The following ATP10B variants were observed in gnomAD, a reference collection of about 807,000 sequenced individuals.
The protein encoded by ATP10B is ATPase phospholipid transporting 10B (putative), also known as phospholipid-transporting ATPase VB.
In ATP10B, 122 loss-of-function variants were observed where a neutral mutation model predicts 141.2. That is an observed-to-expected ratio of 0.86 (90% CI 0.75 to 1.00). The LOEUF (loss-of-function observed/expected upper bound fraction) is 1.00, where lower values mean the gene tolerates loss of function less well. Ranked by LOEUF, ATP10B falls within the 50% of genes least tolerant of loss-of-function variation. The pLI, the probability that ATP10B is intolerant of heterozygous loss-of-function variation, is 0.00. For synonymous variants in ATP10B, 685 were observed against 692.0 expected, an observed-to-expected ratio of 0.99 and a Z score of 0.16; for missense variants, 1,876 against 1,825.3, an observed-to-expected ratio of 1.03 and a Z score of -0.51.
intron 10 of ATP10B, 86 bp downstream of exon 10, chr5:160,640,375 G>T: frequency 6.8e-7 from 1 of 1,480,200 alleles, no homozygotes. Context: ...CATTTTATTA[G>T]CCCTACTTTA....
chr5:160,621,193 C>T (rs2127649539), intron 14 of ATP10B, among the ~76,000 whole-genome samples: 1 of 152,316 alleles, frequency 6.6e-6, no homozygotes, highest in East Asian at 1.9e-4. Context: ...TTCACATTTC[C>T]TGAACTCTCA....
chr5:160,774,921 A>G (rs534413412), intron 2 of ATP10B, among the ~76,000 whole-genome samples: 1 of 152,258 alleles, frequency 6.6e-6, no homozygotes, highest in South Asian at 2.1e-4. Flanking sequence ...GAGTGTAACT[A>G]TGAGCCATGA....
chr5:160,634,459 G>A lies in ATP10B; in HGVS notation c.1276C>T (p.Gln426Ter), dbSNP rs766223981. 2.5e-6 allele frequency: 4 copies of A among 1,614,140 alleles called. No homozygotes were observed. The highest frequency in any genetic ancestry group is 1.3e-5 in the African/African-American group (1 of 75,022). Reference protein sequence around the residue: ...RALNIAEDLGQIQYIFSDKTG... With the variant: ...RALNIAEDLG Reference sequence around the variant, plus strand: ...TTATCGGAGAAGATGTACTGGATCTGGCCCAAGTCCTCTGCGATGTTGAGG... The same window carrying A: ...TTATCGGAGAAGATGTACTGGATCTAGCCCAAGTCCTCTGCGATGTTGAGG... Residue 426 changes from glutamine to a stop codon, truncating the protein, a stop_gained, in exon 12 of 26, where the codon CAG (glutamine) becomes TAG (stop). Coordinates refer to ENST00000327245, the MANE Select transcript of ATP10B (RefSeq NM_025153.3). LOFTEE classifies it high-confidence loss of function.
At chr5:160,676,638 A>G (rs1250802841) in intron 6 of ATP10B, among the ~76,000 whole-genome samples, 1 of 152,144 alleles carries the variant, frequency 6.6e-6, no homozygotes, top group Non-Finnish European at 1.5e-5. Context: ...GATTCCTTGT[A>G]TATTTTTCTT....
At position 160,814,253 on chromosome 5, in the gene ATP10B, T is replaced by C. The variant is rs577527999; in HGVS notation, c.-575-28450A>G. ...ACCTTCAAAAAAAAAATTAGATGAA[T>C]GGCTAACTAGAATAACCAATGCAGA... On this transcript the variant is annotated intron_variant, in intron 1 of 25. Coordinates refer to ENST00000327245, the MANE Select transcript of ATP10B (RefSeq NM_025153.3). 7.2e-5 allele frequency among the ~76,000 whole-genome samples: 11 copies of C among 152,176 alleles called. No homozygotes were observed. In the East Asian group the frequency reaches 2.1e-3, roughly 29 times the overall value.
intron 1 of ATP10B, among the ~76,000 whole-genome samples, chr5:160,828,932 T>C (rs1218591694): frequency 6.8e-6 from 1 of 146,128 alleles, no homozygotes; most frequent in African/African-American, 2.5e-5. Context: ...TTGGAAATCA[T>C]CATTCTCAGT....
chr5:160,655,459 G>A (rs1276900712), intron 7 of ATP10B, among the ~76,000 whole-genome samples: 2 of 152,018 alleles, frequency 1.3e-5, no homozygotes, highest in African/African-American at 4.8e-5. Flanking sequence ...ATCTTCCTCT[G>A]GGGCATCTCC....
upstream of ATP10B, among the ~76,000 whole-genome samples, chr5:160,856,586 C>G (rs1384595084): frequency 2.6e-5 from 4 of 151,638 alleles, no homozygotes; most frequent in African/African-American, 7.3e-5. Flanking sequence ...TGTTCTCAGT[C>G]TCAGGGGGAA....
At chr5:160,647,298 G>A (rs1760360721) in intron 8 of ATP10B, among the ~76,000 whole-genome samples, 1 of 152,154 alleles carries the variant, frequency 6.6e-6, no homozygotes, top group Admixed American at 6.5e-5. Flanking sequence ...ACCATCTGTG[G>A]GTGCCAGGCC....
the ATP10B span, among the ~76,000 whole-genome samples, chr5:160,910,934 G>A: frequency 2.2e-4 from 33 of 152,254 alleles, no homozygotes; most frequent in Admixed American, 1.6e-3. Context: ...TTTCCTGGGC[G>A]TAAGTTCTTA....
chr5:160,584,516 T>C lies in ATP10B; in HGVS notation c.3750+5076A>G, dbSNP rs1204662941. On this transcript the variant is annotated intron_variant, in intron 24 of 25. Transcript: ENST00000327245. The stretch of plus-strand genomic sequence containing the variant: ...CCACCCCTGCTCTCATTTTTTCATC[T>C]TTCCTACATCTGCAGAATTGACAGT... Among the ~76,000 whole-genome samples the C allele has an allele frequency of 7.9e-5, 12 of 152,196 alleles. No individual in the cohort carries two copies. The East Asian group carries it at 2.3e-3, about 29-fold the overall frequency.
chr5:160,584,048 C>T (rs1181588124), intron 24 of ATP10B, among the ~76,000 whole-genome samples: 1 of 152,014 alleles, frequency 6.6e-6, no homozygotes, highest in Non-Finnish European at 1.5e-5. Flanking sequence ...AGTTCTATCT[C>T]TTTGGCATTC....
intron 22 of ATP10B, among the ~76,000 whole-genome samples, chr5:160,593,701 C>G (rs890008250): frequency 6.6e-6 from 1 of 152,142 alleles, no homozygotes; most frequent in Non-Finnish European, 1.5e-5. Context: ...ATAACTAATA[C>G]AGAGAAGTGC....
At chr5:160,921,426 C>T in the ATP10B span, among the ~76,000 whole-genome samples, 2 of 152,264 alleles carry the variant, frequency 1.3e-5, no homozygotes, top group Non-Finnish European at 2.9e-5. Flanking sequence ...AACACATTCA[C>T]AATGTTGTGC....
chr5:160,926,011 G>A, the ATP10B span, among the ~76,000 whole-genome samples: 2 of 152,198 alleles, frequency 1.3e-5, no homozygotes, highest in Non-Finnish European at 2.9e-5. Flanking sequence ...AGAAGGCATT[G>A]CACCTGGTGG....
intron 1 of ATP10B, among the ~76,000 whole-genome samples, chr5:160,848,145 A>G (rs1304036608): frequency 6.6e-6 from 1 of 152,168 alleles, no homozygotes; most frequent in Non-Finnish European, 1.5e-5. Flanking sequence ...GCTGGAAGGA[A>G]CCTTTCAGAT....
intron 7 of ATP10B, among the ~76,000 whole-genome samples, chr5:160,667,287 C>T (rs945123783): frequency 2.6e-5 from 4 of 152,108 alleles, no homozygotes; most frequent in African/African-American, 7.2e-5. Flanking sequence ...GGCTTTGAAT[C>T]CTGCTTCAAC....
chr5:160,662,780 G>C (rs1414227542), intron 7 of ATP10B, among the ~76,000 whole-genome samples: 1 of 152,158 alleles, frequency 6.6e-6, no homozygotes, highest in Non-Finnish European at 1.5e-5. Context: ...GGCAACAAAA[G>C]CCAAAATTGA....
chr5:160,851,392 G>T (rs1449726002), intron 1 of ATP10B, among the ~76,000 whole-genome samples: 3 of 152,090 alleles, frequency 2.0e-5, no homozygotes, highest in Admixed American at 2.0e-4. Flanking sequence ...TCTGGAAGGA[G>T]TAACTCATAC....
Sources: allele counts gnomAD v4.1 joint callset (sites outside exome capture counted in the v4.1 genomes callset), GRCh38; gene constraint gnomAD v4.1.1; transcripts MANE v1.5; gene names NCBI Gene and HGNC (gene_info 2026-07-23, HGNC 2026-07-21).